AFMID: variants seen among roughly 807,000 people sequenced by gnomAD.
The protein encoded by AFMID is kynurenine formamidase.
A neutral mutation model predicts 47.5 loss-of-function variants in AFMID; 39 were observed. That is an observed-to-expected ratio of 0.82 (90% confidence interval 0.64 to 1.07). The LOEUF (loss-of-function observed/expected upper bound fraction) is 1.07, where lower values mean the gene tolerates loss of function less well. Ranked by LOEUF, AFMID falls within the 50% of genes least tolerant of loss-of-function variation. The pLI is 0.00. For missense variants in AFMID, 375 were observed against 387.5 expected (o/e 0.97, Z 0.27); for synonymous variants, 130 against 153.2 (o/e 0.85, Z 1.12).
At chr17:78,201,763 C>G (rs2076248571) in intron 2 of AFMID, among the ~76,000 whole-genome samples, 1 of 152,000 alleles carries the variant, frequency 6.6e-6, no homozygotes. Flanking sequence ...TGGCGTCTCG[C>G]TCTGTCCCCC....
At chr17:78,194,292 A>C (rs1161726612) in intron 2 of AFMID, among the ~76,000 whole-genome samples, 2 of 151,650 alleles carry the variant, frequency 1.3e-5, no homozygotes, top group Non-Finnish European at 2.9e-5. Flanking sequence ...ACGCCAGCTA[A>C]TTTTGTATTT....
intron 2 of AFMID, among the ~76,000 whole-genome samples, chr17:78,199,566 G>A (rs2076196660): frequency 6.6e-6 from 1 of 151,842 alleles, no homozygotes; most frequent in Admixed American, 6.6e-5. Flanking sequence ...GTAGAGATGG[G>A]GTTTCACCAT....
chr17:78,205,879 GC>G, intron 9 of AFMID, 66 bp from the exon 10 acceptor site: 1 of 1,589,640 alleles, frequency 6.3e-7, no homozygotes, highest in Non-Finnish European at 8.6e-7. Context: ...GCCAGGCATG[GC>G]CCCATGTCCT....
Position 78,207,039 on chromosome 17 carries a change from C to T in AFMID, c.*102C>T, listed in dbSNP as rs1421588868. On this transcript the variant is annotated 3_prime_UTR_variant, in exon 11 of 11. Coordinates refer to ENST00000409257, the MANE Select transcript of AFMID (RefSeq NM_001010982.5). ...CTGACAGCTTCAGTTTCCCCCAGCA[C>T]CCAGGAGAGCCTTGCTGTGTCTGTC... 3 of 1,249,878 alleles carry T rather than the reference C, an allele frequency of 2.4e-6. No individual in the cohort carries two copies. The highest frequency in any genetic ancestry group is 3.5e-6 in the Non-Finnish European group (3 of 850,478). The allele number at this position is 1,249,878 out of a possible 1,614,324, so 77.4% of individuals were successfully genotyped here.
At chr17:78,192,297 C>T (rs1394684121) in intron 2 of AFMID, among the ~76,000 whole-genome samples, 2 of 146,390 alleles carry the variant, frequency 1.4e-5, no homozygotes, top group African/African-American at 5.1e-5. Flanking sequence ...AGGTGTGAGC[C>T]ACCATGGCTG....
rs377023641 is a variant in AFMID, at chr17:78,206,945, G to T, written c.*8G>T. 6.2e-7 allele frequency: 1 copy of T among 1,613,942 alleles called. No homozygotes were observed. The highest frequency in any genetic ancestry group is 1.1e-5 in the South Asian group (1 of 91,076). ...AAAACAATCTTCCAGTAGTTCTGAC[G>T]ATACTTGGAGCCTGGTCCACGTGCA... On this transcript the variant is annotated 3_prime_UTR_variant, in exon 11 of 11. Coordinates refer to ENST00000409257, the MANE Select transcript of AFMID (RefSeq NM_001010982.5).
At chr17:78,198,335 G>C (rs941329589) in intron 2 of AFMID, among the ~76,000 whole-genome samples, 1 of 151,524 alleles carries the variant, frequency 6.6e-6, no homozygotes. Context: ...GCACTGGCTC[G>C]CACCTGTAAT....
At chr17:78,189,527 GTTT>G (rs61172116) in intron 1 of AFMID, among the ~76,000 whole-genome samples, 2 of 140,598 alleles carry the variant, frequency 1.4e-5, no homozygotes. Context: ...CCAGTGTTTT[GTTT>G]TTTTTTTTTT....
rs1309649377 is a variant in AFMID at position 78,204,866 on chromosome 17, G to A, written c.433G>A (p.Val145Ile). 7 of 1,614,114 alleles carry A rather than the reference G, an allele frequency of 4.3e-6. No individual in the cohort carries two copies. In the Admixed American group the frequency reaches 5.0e-5, roughly 12 times the overall value. ...CATGGTAGACCAGGTGACCCGCAGCGTTGCGTTTGTCCAGAAGCGGTATCC... is the reference window on the plus strand; with the variant it reads ...CATGGTAGACCAGGTGACCCGCAGCATTGCGTTTGTCCAGAAGCGGTATCC... ...DHMVDQVTRS[V>I]AFVQKRYPSN... Residue 145 changes from valine (V) to isoleucine (I), a missense_variant, in exon 6 of 11, where the codon GTT becomes ATT. Coordinates refer to ENST00000409257, the MANE Select transcript of AFMID (RefSeq NM_001010982.5).
At chr17:78,188,595 ATT>A (rs200662176) in intron 1 of AFMID, among the ~76,000 whole-genome samples, 10 of 139,552 alleles carry the variant, frequency 7.2e-5, no homozygotes, top group Admixed American at 7.2e-5. Flanking sequence ...TGCCTGGCTA[ATT>A]TTTTTTTTTT....
At position 78,191,032 on chromosome 17, in the gene AFMID, G is replaced by T; in HGVS notation, c.126G>T (p.Leu42Phe). ...WVVRLGAEEA[L>F]RTYSQIGIEA... ...TCCGACTGGGAGCAGAGGAAGCCTT[G>T]AGGACCTACTCACAGATAGGAATTG... is the stretch of plus-strand genomic sequence containing the variant. Residue 42 changes from leucine (L) to phenylalanine (F), a missense_variant, in exon 2 of 11, where the codon TTG becomes TTT. By Grantham distance (22) the Leu-to-Phe change is conservative (BLOSUM62 0). Transcript: ENST00000409257. 6.2e-7 allele frequency: 1 copy of T among 1,614,090 alleles called. No individual in the cohort carries two copies. Among genetic ancestry groups the T allele is most frequent in the Non-Finnish European group, 8.5e-7 (1 of 1,180,000 alleles).
At chr17:78,197,847 G>C (rs1256991261) in intron 2 of AFMID, among the ~76,000 whole-genome samples, 1 of 152,136 alleles carries the variant, frequency 6.6e-6, no homozygotes, top group Non-Finnish European at 1.5e-5. Flanking sequence ...AGAGGGGGCC[G>C]GTGGCGCATG....
At position 78,207,273 on chromosome 17, in the gene AFMID, C is replaced by CT. The variant is rs1163959276; in HGVS notation, c.*364dup. On this transcript the variant is annotated 3_prime_UTR_variant, in exon 11 of 11. Coordinates refer to ENST00000409257, the MANE Select transcript of AFMID (RefSeq NM_001010982.5). ...ACGCTCAAAAGTAATGCCATTACTTCTTTTTTTTTTTTTTTTTTTTTTTTT... is the reference window on the plus strand; with the variant it reads ...ACGCTCAAAAGTAATGCCATTACTTCTTTTTTTTTTTTTTTTTTTTTTTTTT... 0.083 allele frequency: 7,100 copies of CT among 85,310 alleles called. 1,410 individuals are homozygous for CT. Among genetic ancestry groups the CT allele is most frequent in the East Asian group, 0.12 (219 of 1,840 alleles). The allele number at this position is 85,310 out of a possible 1,614,324, so 5.3% of individuals were successfully genotyped here.
chr17:78,197,243 G>T lies in AFMID; in HGVS notation c.155-5256G>T, dbSNP rs1406580196. The T allele has an allele frequency of 2.6e-6, 4 of 1,542,786 alleles. No homozygotes were observed. The South Asian group carries it at 3.6e-5, about 14-fold the overall frequency. On this transcript the variant is annotated intron_variant, in intron 2 of 10. Transcript: ENST00000409257. Reference sequence around the variant, plus strand: ...TGTCTTCACACTGTGCTGGGGCAGGGTTGTTGGCAAACCCCCATGGATGGC... The same window carrying T: ...TGTCTTCACACTGTGCTGGGGCAGGTTTGTTGGCAAACCCCCATGGATGGC...
At chr17:78,202,955 G>A (rs989907615) in intron 4 of AFMID, 25 of 635,786 alleles carry the variant, frequency 3.9e-5, no homozygotes, top group Non-Finnish European at 6.1e-5. Context: ...TCCAGCTTCT[G>A]GTGGCCTTAG....
chr17:78,190,879 G>T, intron 1 of AFMID, 91 bp from the exon 2 acceptor site: 2 of 1,150,116 alleles, frequency 1.7e-6, no homozygotes, highest in South Asian at 1.4e-5. Flanking sequence ...GGCTTCTAAG[G>T]CAGAGAGGAG....
chr17:78,197,167 T>C, intron 2 of AFMID: 1 of 1,550,594 alleles, frequency 6.4e-7, no homozygotes, highest in Non-Finnish European at 8.7e-7. Context: ...CCTGTGTGAA[T>C]TAAATCACGA....
In AFMID at chr17:78,205,613, C is replaced by T. The variant is rs2076359453; in HGVS notation, c.655C>T (p.Gln219Ter). ...CACTCCCCACCCCAGGGAGGACGCT[C>T]AGAGGAATAGCCCCCAGCTGAAGGT... ...VALQLTLEDAQRNSPQLKVAQ... is the reference protein window; with the variant it reads ...VALQLTLEDA Residue 219 changes from glutamine (Q) to a stop codon, truncating the protein, a stop_gained, in exon 9 of 11, where the codon CAG (glutamine) becomes TAG (stop). Coordinates refer to ENST00000409257, the MANE Select transcript of AFMID (RefSeq NM_001010982.5). LOFTEE classifies it high-confidence loss of function. The T allele has an allele frequency of 1.2e-6, 2 of 1,613,816 alleles. No individual in the cohort carries two copies. The highest frequency in any genetic ancestry group is 1.7e-6 in the Non-Finnish European group (2 of 1,179,770).
chr17:78,204,190 C>A (rs2076317475), intron 4 of AFMID, among the ~76,000 whole-genome samples: 1 of 152,140 alleles, frequency 6.6e-6, no homozygotes, highest in South Asian at 2.1e-4. Flanking sequence ...CACAGTGGCT[C>A]ACACCTATAA....
Sources: gnomAD v4.1 joint callset for allele counts (sites outside exome capture counted in the v4.1 genomes callset) on GRCh38, gnomAD v4.1.1 for gene constraint, MANE v1.5 for transcripts, NCBI Gene and HGNC (gene_info 2026-07-23, HGNC 2026-07-21) for gene names.